The following ACSM3 variants were observed in gnomAD, a reference collection of about 807,000 sequenced individuals.
ACSM3 encodes the protein acyl-CoA synthetase medium chain family member 3, also known as acyl-coenzyme A synthetase ACSM3, mitochondrial.
Under a neutral mutation model 74.1 loss-of-function variants are expected in ACSM3, and 61 were observed. The ratio of observed to expected loss-of-function variants is 0.82; its 90% CI spans 0.67 to 1.02. The LOEUF (loss-of-function observed/expected upper bound fraction) is 1.02, where lower values mean the gene tolerates loss of function less well. ACSM3 is among the 50% of genes least tolerant of loss of function. The pLI, the probability that ACSM3 is intolerant of heterozygous loss-of-function variation, is 0.00. For missense variants in ACSM3, 660 were observed against 697.0 expected, an observed-to-expected ratio of 0.95 and a Z score of 0.60; for synonymous variants, 213 against 241.5, an observed-to-expected ratio of 0.88 and a Z score of 1.09.
intron 1 of ACSM3, among the ~76,000 whole-genome samples, chr16:20,767,106 A>C (rs577785039): frequency 1.3e-5 from 2 of 152,308 alleles, no homozygotes; most frequent in African/African-American, 4.8e-5. Flanking sequence ...AAAAAAATTA[A>C]AAACAGAGAG....
intron 2 of ACSM3, 127 bp downstream of exon 2, chr16:20,770,380 T>C: frequency 1.3e-6 from 1 of 766,670 alleles, no homozygotes; most frequent in Non-Finnish European, 2.1e-6. Context: ...GCTACTGGCA[T>C]CTAACAGGTA....
In ACSM3 at chr16:20,770,075, A is replaced by G. The variant is rs2080172915; in HGVS notation, c.41A>G (p.Lys14Arg). ...ACCAGGAAGATGCTACGTCATGCCA[A>G]GTGTTTTCAGCGCCTAGCAATTTTT... ...RVTRKMLRHAKCFQRLAIFGS... is the reference protein window; with the variant it reads ...RVTRKMLRHARCFQRLAIFGS... Residue 14 changes from lysine (K) to arginine (R), a missense_variant, in exon 2 of 14, where the codon AAG becomes AGG. Transcript: ENST00000289416. The G allele has an allele frequency of 6.2e-7, 1 of 1,614,162 alleles. No individual in the cohort carries two copies. The highest frequency in any genetic ancestry group is 1.6e-4 in the Middle Eastern group (1 of 6,062).
intron 1 of ACSM3, among the ~76,000 whole-genome samples, chr16:20,678,322 T>A (rs1596933875): frequency 6.6e-6 from 1 of 152,178 alleles, no homozygotes; most frequent in South Asian, 2.1e-4. Flanking sequence ...ACTAAAGACA[T>A]TATTAAGGCA....
chr16:20,732,023 T>A (rs933207366), intron 1 of ACSM3, among the ~76,000 whole-genome samples: 5 of 152,328 alleles, frequency 3.3e-5, no homozygotes, highest in Middle Eastern at 6.8e-3. Context: ...AATGGCCAAC[T>A]GCCTTGTTTT....
intron 4 of ACSM3, chr16:20,779,985 G>A (rs1160206729): frequency 1.3e-5 from 2 of 158,288 alleles, no homozygotes; most frequent in South Asian, 1.5e-4. Flanking sequence ...GGCTGGTCTC[G>A]AACTCCTGAC....
intron 1 of ACSM3, among the ~76,000 whole-genome samples, chr16:20,694,258 G>C (rs163252): frequency 0.083 from 12,695 of 152,246 alleles, 573 homozygotes; most frequent in East Asian, 0.13. Flanking sequence ...CAGCAGTAGG[G>C]TGGATGCGTC....
chr16:20,790,345 G>C lies in ACSM3; in HGVS notation c.1225-242G>C, dbSNP rs116105298. On this transcript the variant is annotated intron_variant, in intron 9 of 13. Coordinates refer to ENST00000289416, the MANE Select transcript of ACSM3 (RefSeq NM_005622.4). This position sits in a 1 kb window ranked among gnomAD's most constrained non-coding sequence, Gnocchi z 4.0. ...TGTGCTTGTAGCCCCAGATACTTGGGAAGCTGAGGTGTGAGGACTGTTTGA... is the reference window on the plus strand; with the variant it reads ...TGTGCTTGTAGCCCCAGATACTTGGCAAGCTGAGGTGTGAGGACTGTTTGA... Among the ~76,000 whole-genome samples the C allele has an allele frequency of 6.6e-3, 1,011 of 152,266 alleles. 19 individuals are homozygous for C. Among genetic ancestry groups the C allele is most frequent in the African/African-American group, 0.023 (951 of 41,550 alleles).
chr16:20,736,402 A>G (rs977702448), intron 1 of ACSM3: 3 of 152,120 alleles, frequency 2.0e-5, no homozygotes, highest in African/African-American at 7.3e-5. Context: ...AAAAACAGAC[A>G]TAAACAAGAA....
At chr16:20,775,817 T>C (rs2080248387) in intron 2 of ACSM3, 22 bp from the exon 3 acceptor site, 3 of 1,612,200 alleles carry the variant, frequency 1.9e-6, no homozygotes, top group African/African-American at 1.3e-5. Flanking sequence ...TTTAAATCAA[T>C]GACTGGTTTT....
upstream of ACSM3, among the ~76,000 whole-genome samples, chr16:20,761,414 CT>C: frequency 6.6e-6 from 1 of 152,314 alleles, no homozygotes. Context: ...GTCTCAGATA[CT>C]TTTTAGTTTA....
intron 1 of ACSM3, chr16:20,728,246 G>T: frequency 4.8e-6 from 2 of 419,136 alleles, no homozygotes. Flanking sequence ...TGTCCAGGTA[G>T]GTTGAGAAAA....
chr16:20,785,948 A>G, intron 8 of ACSM3, 130 bp from the exon 9 acceptor site: 1 of 562,990 alleles, frequency 1.8e-6, no homozygotes. Flanking sequence ...ATTCCATGAG[A>G]GTATAGCATT....
chr16:20,700,830 G>A (rs1415338852), intron 1 of ACSM3, among the ~76,000 whole-genome samples: 9 of 152,100 alleles, frequency 5.9e-5, no homozygotes, highest in African/African-American at 2.4e-5. Context: ...GGTCAGATTT[G>A]CATTTAGAAA....
intron 1 of ACSM3, among the ~76,000 whole-genome samples, chr16:20,709,647 C>T (rs1318220364): frequency 6.6e-6 from 1 of 152,174 alleles, no homozygotes; most frequent in African/African-American, 2.4e-5. Flanking sequence ...TGAATGAATA[C>T]TCTAAGGTAT....
At chr16:20,710,880 T>C (rs905268001) in intron 1 of ACSM3, among the ~76,000 whole-genome samples, 3 of 151,802 alleles carry the variant, frequency 2.0e-5, no homozygotes, top group Non-Finnish European at 4.4e-5. Flanking sequence ...AGGTCAGGAG[T>C]TCGACACCAG....
intron 1 of ACSM3, among the ~76,000 whole-genome samples, chr16:20,682,720 C>G (rs2079472612): frequency 6.6e-6 from 1 of 152,214 alleles, no homozygotes; most frequent in African/African-American, 2.4e-5. Flanking sequence ...ATCTTTTCTA[C>G]TGTAAATGGA....
In ACSM3 at chr16:20,785,076, A is replaced by T; in HGVS notation, c.1112A>T (p.Asp371Val). Residue 371 changes from aspartate to valine, a missense_variant, in exon 8 of 14, where the codon GAT (aspartate) becomes GTT (valine). By Grantham distance (152) the Asp-to-Val change is radical. Transcript: ENST00000289416. ...AAATGGAGAAACAAGACGGGCCTGG[A>T]TATCTACGAAGGATATGGACAGACT... The part of the protein sequence containing the change: ...TEKWRNKTGL[D>V]IYEGYGQTET... The T allele has an allele frequency of 6.2e-7, 1 of 1,613,602 alleles. No individual in the cohort carries two copies. Among genetic ancestry groups the T allele is most frequent in the South Asian group, 1.1e-5 (1 of 91,080 alleles).
chr16:20,737,855 T>C, intron 1 of ACSM3: 1 of 1,613,966 alleles, frequency 6.2e-7, no homozygotes. Flanking sequence ...AAAAAAGCCT[T>C]GCATGTGCCT....
chr16:20,743,844 C>T (rs1027108441), intron 1 of ACSM3: 31 of 152,222 alleles, frequency 2.0e-4, no homozygotes, highest in Non-Finnish European at 1.5e-5. Context: ...TGCCCACACT[C>T]TGCCACCTGT....
Sources: allele counts gnomAD v4.1 joint callset (sites outside exome capture counted in the v4.1 genomes callset), GRCh38; gene constraint gnomAD v4.1.1; non-coding constraint Gnocchi (gnomAD v3.1); transcripts MANE v1.5; gene names NCBI Gene and HGNC (gene_info 2026-07-23, HGNC 2026-07-21).